Variants in PLEKHA5 observed in about 807,000 individuals in gnomAD.
PLEKHA5 encodes pleckstrin homology domain-containing family A member 5.
Under a neutral mutation model 181.9 loss-of-function variants are expected in PLEKHA5, and 55 were observed. That is an observed-to-expected ratio of 0.30 (90% CI 0.24 to 0.38). PLEKHA5 has a LOEUF of 0.38. Among genes scored for constraint, PLEKHA5 ranks in the 10% least tolerant of loss-of-function variants. The pLI, the probability that PLEKHA5 is intolerant of heterozygous loss-of-function variation, is 1.00. For missense variants in PLEKHA5, 1,432 were observed against 1,549.5 expected (o/e 0.92, Z 1.27); for synonymous variants, 535 against 529.4 (o/e 1.01, Z -0.15).
At chr12:19,252,295 T>A (rs2152531897) in intron 3 of PLEKHA5, among the ~76,000 whole-genome samples, 1 of 152,282 alleles carries the variant, frequency 6.6e-6, no homozygotes, top group South Asian at 2.1e-4. Context: ...ACAGCACATG[T>A]ACTAATATTT....
At chr12:19,228,927 A>C (rs2060053890) in intron 3 of PLEKHA5, among the ~76,000 whole-genome samples, 1 of 152,208 alleles carries the variant, frequency 6.6e-6, no homozygotes, top group Non-Finnish European at 1.5e-5. Flanking sequence ...ACTAGACAGC[A>C]GTATGTGTAA....
rs1029584860 is a variant in PLEKHA5 at position 19,291,665 on chromosome 12, C to T, written c.2005C>T (p.Leu669Phe). 6.6e-6 allele frequency: 10 copies of T among 1,517,792 alleles called. No homozygotes were observed. The African/African-American group carries it at 1.4e-4, about 21-fold the overall frequency. 94.0% of individuals were successfully genotyped at this position (1,517,792 alleles called of 1,614,324 possible). The change falls in exon 15 of 32, where the codon CTC becomes TTC. Residue 669 changes from leucine to phenylalanine, a missense_variant. Leu to Phe is a conservative substitution (Grantham distance 22). Around this residue, in one of 2 missense-constraint regions of PLEKHA5, gnomAD observed 1,143 missense variants for 1,168.4 expected, o/e 0.98. Transcript: ENST00000429027. ...SPKNEILSHHLQRNTIYLDHQ... is the reference protein window; with the variant it reads ...SPKNEILSHHFQRNTIYLDHQ... ...CTAGAATGAAATTCTTTCACATCATCTCCAAAGGAACACCATATATTTGGA... is the reference window on the plus strand; with the variant it reads ...CTAGAATGAAATTCTTTCACATCATTTCCAAAGGAACACCATATATTTGGA...
chr12:19,257,851 G>A (rs369493229), intron 6 of PLEKHA5, among the ~76,000 whole-genome samples: 1 of 151,960 alleles, frequency 6.6e-6, no homozygotes, highest in Admixed American at 6.6e-5. Context: ...TTTTTAAAAT[G>A]TCAAAATTGA....
At chr12:19,184,503 A>C (rs1279369839) in intron 3 of PLEKHA5, among the ~76,000 whole-genome samples, 3 of 152,206 alleles carry the variant, frequency 2.0e-5, no homozygotes, top group Non-Finnish European at 2.9e-5. Context: ...TAAGCTAGTC[A>C]TCACAATGAA....
chr12:19,353,863 T>TA (rs2094750727), intron 25 of PLEKHA5, 21 bp from the exon 26 acceptor site: 2 of 1,048,570 alleles, frequency 1.9e-6, no homozygotes, highest in Non-Finnish European at 3.0e-6. Flanking sequence ...TTGTAAAACT[T>TA]ACTGCTGTTT....
At chr12:19,300,424 T>C (rs7309614) in intron 15 of PLEKHA5, among the ~76,000 whole-genome samples, 19,594 of 152,156 alleles carry the variant, frequency 0.13, 1,288 homozygotes, top group South Asian at 0.17. Context: ...TTACAAAATA[T>C]TATAAATACT....
chr12:19,365,949 A>C lies in PLEKHA5; in HGVS notation c.3609-15A>C, dbSNP rs976472399. On this transcript the variant is annotated splice_polypyrimidine_tract_variant and intron_variant, in intron 29 of 31. Coordinates refer to ENST00000429027, the MANE Select transcript of PLEKHA5 (RefSeq NM_001256470.2). Reference sequence around the variant, plus strand: ...TATAGTGACAAATTTTTAAATACCAATCTATTTTCATCAGCCCTCAAGATG... The same window carrying C: ...TATAGTGACAAATTTTTAAATACCACTCTATTTTCATCAGCCCTCAAGATG... 1 of 1,570,904 alleles carries C rather than the reference A, an allele frequency of 6.4e-7. No homozygotes were observed. The highest frequency in any genetic ancestry group is 1.4e-5 in the African/African-American group (1 of 72,326).
In PLEKHA5 at chr12:19,130,484, C is replaced by A. The variant is rs1381763814; in HGVS notation, c.169+354C>A. 6.6e-6 allele frequency among the ~76,000 whole-genome samples: 1 copy of A among 151,830 alleles called. No homozygotes were observed. Among genetic ancestry groups the A allele is most frequent in the Non-Finnish European group, 1.5e-5 (1 of 67,924 alleles). ...GAGTTTTTCCTCCGCGGCCGCTACT[C>A]ACTCCCCGGTGACCCCCAGCTGCCG... is the stretch of plus-strand genomic sequence containing the variant. On this transcript the variant is annotated intron_variant, in intron 2 of 31. Transcript: ENST00000429027. The surrounding 1 kb of genome is among the most constrained non-coding windows in gnomAD (Gnocchi z 4.5).
At chr12:19,236,353 A>G (rs2061405702) in intron 3 of PLEKHA5, among the ~76,000 whole-genome samples, 1 of 152,134 alleles carries the variant, frequency 6.6e-6, no homozygotes, top group Non-Finnish European at 1.5e-5. Context: ...TAGTTACTTC[A>G]GTAAAATGGA....
chr12:19,350,493 T>A (rs11614259), intron 25 of PLEKHA5, among the ~76,000 whole-genome samples: 9 of 152,194 alleles, frequency 5.9e-5, no homozygotes. Context: ...GAGGCCAGGC[T>A]TGGTGGCTCA....
At chr12:19,169,055 AT>A (rs1288896104) in intron 3 of PLEKHA5, among the ~76,000 whole-genome samples, 4 of 152,136 alleles carry the variant, frequency 2.6e-5, no homozygotes, top group African/African-American at 9.7e-5. Context: ...CAAATTACTG[AT>A]TTATTCTGTT....
intron 18 of PLEKHA5, chr12:19,320,926 G>T (rs1165872703): frequency 5.8e-6 from 1 of 171,678 alleles, no homozygotes; most frequent in Non-Finnish European, 1.2e-5. Flanking sequence ...CAGCACTTTG[G>T]GAAGCCGAGG....
chr12:19,132,472 T>G, intron 3 of PLEKHA5, 22 bp downstream of exon 3: 1 of 1,304,308 alleles, frequency 7.7e-7, no homozygotes, highest in Non-Finnish European at 1.1e-6. Flanking sequence ...GACTTTCATT[T>G]TTTTCCTTCG....
At chr12:19,216,261 T>C (rs1188317411) in intron 3 of PLEKHA5, among the ~76,000 whole-genome samples, 1 of 152,172 alleles carries the variant, frequency 6.6e-6, no homozygotes, top group Admixed American at 6.5e-5. Context: ...CTTCCTTTGG[T>C]TTTTTATTAC....
intron 3 of PLEKHA5, among the ~76,000 whole-genome samples, chr12:19,218,896 T>A (rs762695077): frequency 5.6e-3 from 356 of 63,188 alleles, no homozygotes; most frequent in Non-Finnish European, 0.015. Flanking sequence ...CACAAATAAT[T>A]ATTATTATTA....
chr12:19,333,493 G>A (rs1453928951), intron 20 of PLEKHA5, among the ~76,000 whole-genome samples: 4 of 151,724 alleles, frequency 2.6e-5, no homozygotes, highest in Non-Finnish European at 5.9e-5. Flanking sequence ...GGAGGTCGAT[G>A]CAGAAGAATC....
At chr12:19,150,579 C>G (rs1187509727) in intron 3 of PLEKHA5, 2 of 152,230 alleles carry the variant, frequency 1.3e-5, no homozygotes, top group East Asian at 3.8e-4. Flanking sequence ...TAAATTCTCA[C>G]AGTTAAGAAT....
At chr12:19,290,572 A>C in intron 13 of PLEKHA5, 105 bp from the exon 14 acceptor site, 1 of 981,828 alleles carries the variant, frequency 1.0e-6, no homozygotes. Flanking sequence ...TTTGATGTCA[A>C]CCATAAGAGG....
intron 3 of PLEKHA5, among the ~76,000 whole-genome samples, chr12:19,229,054 C>G (rs970978162): frequency 1.1e-4 from 17 of 152,152 alleles, no homozygotes; most frequent in Non-Finnish European, 1.6e-4. Flanking sequence ...GAAATCTGCC[C>G]TCCAGTATCA....
Sources: gnomAD v4.1 joint callset for allele counts (sites outside exome capture counted in the v4.1 genomes callset) on GRCh38, gnomAD v4.1.1 for gene constraint, gnomAD v4.1.1 regional missense constraint, Gnocchi (gnomAD v3.1) non-coding constraint, MANE v1.5 for transcripts, NCBI Gene and HGNC (gene_info 2026-07-23, HGNC 2026-07-21) for gene names.